The following FURIN variants were observed in gnomAD, a reference collection of about 807,000 sequenced individuals.
FURIN encodes the protein FES upstream region.
In FURIN, 18 loss-of-function variants were observed where a neutral mutation model predicts 89.2. The ratio of observed to expected loss-of-function variants is 0.20; its 90% CI spans 0.14 to 0.30. FURIN has a LOEUF of 0.30. Among genes scored for constraint, FURIN ranks in the 10% least tolerant of loss-of-function variants. FURIN has a pLI of 1.00. For synonymous variants in FURIN, 508 were observed against 466.4 expected (o/e 1.09, Z -1.15); for missense variants, 879 against 1,100.5 (o/e 0.80, Z 2.85).
At position 90,876,574 on chromosome 15, in the gene FURIN, G is replaced by C; in HGVS notation, c.372+17G>C. 1 of 1,537,728 alleles carries C rather than the reference G, an allele frequency of 6.5e-7. No individual in the cohort carries two copies. Among genetic ancestry groups the C allele is most frequent in the South Asian group, 1.1e-5 (1 of 89,308 alleles). On this transcript the variant is annotated intron_variant, in intron 4 of 15. Coordinates refer to ENST00000268171, the MANE Select transcript of FURIN (RefSeq NM_002569.4). The surrounding 1 kb of genome is among the most constrained non-coding windows in gnomAD (Gnocchi z 5.0). ...TGGTACCTGGTACGTGGCCTTCTTC[G>C]CTGCTGGGACCTCCTCCCCAGATGC...
chr15:90,881,062 G>T lies in FURIN; in HGVS notation c.1792+22G>T. The T allele has an allele frequency of 6.5e-7, 1 of 1,545,314 alleles. No individual in the cohort carries two copies. Among genetic ancestry groups the T allele is most frequent in the African/African-American group, 1.4e-5 (1 of 73,634 alleles). ...GTGGGTCAGTAGTGGGTGCTGTTGG[G>T]CTTTGGGGGCCTGAGTCTGGGGGTA... On this transcript the variant is annotated intron_variant, in intron 15 of 15. Coordinates refer to ENST00000268171, the MANE Select transcript of FURIN (RefSeq NM_002569.4). The surrounding 1 kb of genome is among the most constrained non-coding windows in gnomAD (Gnocchi z 4.3).
chr15:90,881,729 G>A lies in FURIN; in HGVS notation c.2236G>A (p.Gly746Arg), dbSNP rs749293632. ...GCTGCGCTCTGGCTTTAGTTTTCGG[G>A]GGGTGAAGGTGTACACCATGGACCG... The part of the protein sequence containing the change: ...LQLRSGFSFR[G>R]VKVYTMDRGL... Residue 746 changes from glycine (G) to arginine (R), a missense_variant, in exon 16 of 16, where the codon GGG becomes AGG. Gly to Arg is a moderately radical substitution (Grantham distance 125). Transcript: ENST00000268171. This position sits in a 1 kb window ranked among gnomAD's most constrained non-coding sequence, Gnocchi z 4.3. The A allele has an allele frequency of 3.8e-6, 6 of 1,599,206 alleles. No homozygotes were observed. The African/African-American group carries it at 6.7e-5, about 18-fold the overall frequency.
Position 90,882,003 on chromosome 15 carries a change from T to A in FURIN, c.*125T>A. On this transcript the variant is annotated 3_prime_UTR_variant, in exon 16 of 16. Coordinates refer to ENST00000268171, the MANE Select transcript of FURIN (RefSeq NM_002569.4). The stretch of plus-strand genomic sequence containing the variant: ...GGGAGGCAAGAGGGGTGGAGACTGC[T>A]TCCCATCCTACCCTCGGGCCCACCT... 1 of 703,106 alleles carries A rather than the reference T, an allele frequency of 1.4e-6. No homozygotes were observed. The highest frequency in any genetic ancestry group is 2.8e-5 in the East Asian group (1 of 36,080). 43.6% of individuals were successfully genotyped at this position (703,106 alleles called of 1,614,324 possible). A position where few individuals can be genotyped will look rare whatever the true frequency, so the allele number is the denominator to read the frequency against.
chr15:90,880,008 AG>A (rs1224185851), intron 12 of FURIN, 24 bp downstream of exon 12: 3 of 1,607,338 alleles, frequency 1.9e-6, no homozygotes, highest in Non-Finnish European at 2.6e-6. Flanking sequence ...CCAGGCTGGG[AG>A]GGGGCCAGTG....
In FURIN at chr15:90,876,706, T is replaced by C. The variant is rs1259989745; in HGVS notation, c.372+149T>C. On this transcript the variant is annotated intron_variant, in intron 4 of 15. Transcript: ENST00000268171. The surrounding 1 kb of genome is among the most constrained non-coding windows in gnomAD (Gnocchi z 5.0). Reference sequence around the variant, plus strand: ...GCAGTCTCTCCTTGGCCCATCCTAATAAGCAAGCCTGGGGGTGGCCCTCCC... The same window carrying C: ...GCAGTCTCTCCTTGGCCCATCCTAACAAGCAAGCCTGGGGGTGGCCCTCCC... 8 of 814,768 alleles carry C rather than the reference T, an allele frequency of 9.8e-6. No individual in the cohort carries two copies. In the Admixed American group the frequency reaches 1.6e-4, roughly 16 times the overall value. The allele number at this position is 814,768 out of a possible 1,614,324, so 50.5% of individuals were successfully genotyped here. A position where few individuals can be genotyped will look rare whatever the true frequency, so the allele number is the denominator to read the frequency against.
chr15:90,879,977 G>C lies in FURIN; in HGVS notation c.1369G>C (p.Glu457Gln), dbSNP rs138927071. The C allele has an allele frequency of 8.7e-6, 14 of 1,611,328 alleles. No homozygotes were observed. The highest frequency in any genetic ancestry group is 2.7e-5 in the African/African-American group (2 of 74,920). The change falls in exon 12 of 16, where the codon GAG becomes CAG. Residue 457 changes from glutamate to glutamine, a missense_variant. Glu to Gln is a conservative substitution (Grantham distance 29). Around this residue, in one of 5 missense-constraint regions of FURIN, gnomAD observed 457 missense variants for 490.7 expected, o/e 0.93. Transcript: ENST00000268171. ...GAAGTGCATCATCGACATCCTCACC[G>C]AGCCCAAGTGAGGGCTGGACCCAGG... ...QRKCIIDILT[E>Q]PKDIGKRLEV...
intron 9 of FURIN, 47 bp downstream of exon 9, chr15:90,879,023 TGG>T: frequency 3.2e-6 from 4 of 1,261,410 alleles, no homozygotes. Context: ...GGCTGCTGGC[TGG>T]CTCTGTCCAG....
Position 90,882,928 on chromosome 15 carries a change from G to A in FURIN, c.*1050G>A, listed in dbSNP as rs1435416096. 6.6e-6 allele frequency: 1 copy of A among 152,472 alleles called. No individual in the cohort carries two copies. The highest frequency in any genetic ancestry group is 1.9e-4 in the East Asian group (1 of 5,196). The allele number at this position is 152,472 out of a possible 1,614,324, so 9.4% of individuals were successfully genotyped here. A position where few individuals can be genotyped will look rare whatever the true frequency, so the allele number is the denominator to read the frequency against. On this transcript the variant is annotated 3_prime_UTR_variant, in exon 16 of 16. Transcript: ENST00000268171. Reference sequence around the variant, plus strand: ...TGTTGCTGAGGAGTGAGGAATAGTTGAGCCCCAAGTCCTGAAGAGGCGGGC... The same window carrying A: ...TGTTGCTGAGGAGTGAGGAATAGTTAAGCCCCAAGTCCTGAAGAGGCGGGC...
rs374580162 is a variant in FURIN, at chr15:90,880,214, C to T, written c.1497C>T (p.Gly499=). The T allele has an allele frequency of 1.6e-5, 25 of 1,612,294 alleles. No homozygotes were observed. Among genetic ancestry groups the T allele is most frequent in the Non-Finnish European group, 1.9e-5 (22 of 1,179,504 alleles). Residue 499 remains glycine (G), a synonymous_variant, in exon 13 of 16, where the codon GGC becomes GGT. Coordinates refer to ENST00000268171, the MANE Select transcript of FURIN (RefSeq NM_002569.4). ...TCACCCTGTCCTATAATCGCCGTGG[C>T]GACCTGGCCATCCACCTGGTCAGCC... ...ARLTLSYNRR[G]DLAIHLVSPM... is the part of the protein sequence containing the mutation.
chr15:90,880,676 C>T lies in FURIN; in HGVS notation c.1557-15C>T, dbSNP rs973741828. On this transcript the variant is annotated splice_polypyrimidine_tract_variant and intron_variant, in intron 13 of 15. Coordinates refer to ENST00000268171, the MANE Select transcript of FURIN (RefSeq NM_002569.4). The stretch of plus-strand genomic sequence containing the variant: ...CCCGCAGAGGCCTCAGGGCTGTGTG[C>T]ACTCCCCTCCCCAGGCCACATGACT... The T allele has an allele frequency of 1.2e-6, 2 of 1,607,736 alleles. No homozygotes were observed. The highest frequency in any genetic ancestry group is 1.7e-6 in the Non-Finnish European group (2 of 1,176,470).
rs149242754 is a variant in FURIN at position 90,876,958 on chromosome 15, C to T, written c.435C>T (p.His145=). The change falls in exon 5 of 16, where the codon CAC becomes CAT. Residue 145 remains histidine, a synonymous_variant. Transcript: ENST00000268171. This position sits in a 1 kb window ranked among gnomAD's most constrained non-coding sequence, Gnocchi z 5.0. ...CCTGGGCGCAGGGCTACACAGGGCA[C>T]GGCATTGTGGTCTCCATTCTGGACG... is the stretch of plus-strand genomic sequence containing the variant. ...KAAWAQGYTG[H]GIVVSILDDG... is the part of the protein sequence containing the mutation. 5.8e-4 allele frequency: 935 copies of T among 1,613,862 alleles called. 1 individual carries two copies. The highest frequency in any genetic ancestry group is 7.3e-4 in the Non-Finnish European group (859 of 1,179,876).
In FURIN at chr15:90,876,459, C is replaced by T. The variant is rs1364433531; in HGVS notation, c.277-3C>T. On this transcript the variant is annotated splice_region_variant and splice_polypyrimidine_tract_variant and intron_variant, in intron 3 of 15. Transcript: ENST00000268171. This position sits in a 1 kb window ranked among gnomAD's most constrained non-coding sequence, Gnocchi z 5.0. ...ACACCATCTCTCCCTCACTCCCCCA[C>T]AGGTACAGTGGCTGGAACAGCAGGT... 3 of 1,610,060 alleles carry T rather than the reference C, an allele frequency of 1.9e-6. No individual in the cohort carries two copies. Among genetic ancestry groups the T allele is most frequent in the African/African-American group, 1.3e-5 (1 of 74,824 alleles).
rs112211495 is a variant in FURIN at position 90,878,275 on chromosome 15, G to A, written c.811G>A (p.Glu271Lys). ...KTVDGPARLAEEAFFRGVSQG... is the reference protein window; with the variant it reads ...KTVDGPARLAKEAFFRGVSQG... ...AGTGGATGGGCCAGCCCGCCTCGCC[G>A]AGGAGGCCTTCTTCCGTGGGGTTAG... is the stretch of plus-strand genomic sequence containing the variant. Residue 271 changes from glutamate (E) to lysine (K), a missense_variant, in exon 8 of 16, where the codon GAG (glutamate) becomes AAG (lysine). Physicochemically the swap from Glu to Lys is moderately conservative, Grantham distance 56 (BLOSUM62 1). Around this residue, in one of 5 missense-constraint regions of FURIN, gnomAD observed 156 missense variants for 243.7 expected, o/e 0.64. Transcript: ENST00000268171. 4.4e-6 allele frequency: 7 copies of A among 1,605,668 alleles called. No individual in the cohort carries two copies. The highest frequency in any genetic ancestry group is 1.1e-5 in the South Asian group (1 of 90,180).
Position 90,882,026 on chromosome 15 carries a change from C to T in FURIN, c.*148C>T. 1.6e-6 allele frequency: 1 copy of T among 636,932 alleles called. No individual in the cohort carries two copies. Among genetic ancestry groups the T allele is most frequent in the Non-Finnish European group, 2.8e-6 (1 of 362,926 alleles). 39.5% of individuals were successfully genotyped at this position (636,932 alleles called of 1,614,324 possible). ...GCTTCCCATCCTACCCTCGGGCCCA[C>T]CTGGCCACCTGAGGTGGGCCCAGGA... is the stretch of plus-strand genomic sequence containing the variant. On this transcript the variant is annotated 3_prime_UTR_variant, in exon 16 of 16. Transcript: ENST00000268171.
intron 8 of FURIN, 45 bp downstream of exon 8, chr15:90,878,349 G>C (rs937581358): frequency 1.1e-5 from 16 of 1,455,678 alleles, no homozygotes; most frequent in Non-Finnish European, 1.5e-5. Flanking sequence ...GTTGGGTGCT[G>C]TCTTCCGTAC....
At chr15:90,880,451 G>A (rs2031896964) in intron 13 of FURIN, among the ~76,000 whole-genome samples, 178 bp downstream of exon 13, 1 of 152,238 alleles carries the variant, frequency 6.6e-6, no homozygotes, top group African/African-American at 2.4e-5. Flanking sequence ...AGGAATCCCT[G>A]GCTTGCAACC....
intron 1 of FURIN, among the ~76,000 whole-genome samples, chr15:90,871,966 G>A (rs2031331710): frequency 1.3e-5 from 2 of 151,382 alleles, no homozygotes; most frequent in Admixed American, 1.3e-4. Flanking sequence ...TCTGACCTCA[G>A]GAAGCGCCTG....
Position 90,881,090 on chromosome 15 carries a change from G to A in FURIN, c.1792+50G>A. The A allele has an allele frequency of 4.3e-6, 6 of 1,392,220 alleles. No individual in the cohort carries two copies. Among genetic ancestry groups the A allele is most frequent in the Non-Finnish European group, 5.1e-6 (5 of 978,018 alleles). 86.2% of individuals were successfully genotyped at this position (1,392,220 alleles called of 1,614,324 possible). On this transcript the variant is annotated intron_variant, in intron 15 of 15. Coordinates refer to ENST00000268171, the MANE Select transcript of FURIN (RefSeq NM_002569.4). This position sits in a 1 kb window ranked among gnomAD's most constrained non-coding sequence, Gnocchi z 4.3. Reference sequence around the variant, plus strand: ...TTGGGGGCCTGAGTCTGGGGGTAAGGCGGGTGCCTGTCCTGAAGCCCAGCT... The same window carrying A: ...TTGGGGGCCTGAGTCTGGGGGTAAGACGGGTGCCTGTCCTGAAGCCCAGCT...
chr15:90,881,698 C>T lies in FURIN; in HGVS notation c.2205C>T (p.Val735=), dbSNP rs762528103. 1.1e-5 allele frequency: 17 copies of T among 1,589,816 alleles called. No individual in the cohort carries two copies. In the East Asian group the frequency reaches 3.8e-4, roughly 36 times the overall value. The change falls in exon 16 of 16, where the codon GTC becomes GTT. Residue 735 remains valine, a synonymous_variant. Transcript: ENST00000268171. The surrounding 1 kb of genome is among the most constrained non-coding windows in gnomAD (Gnocchi z 4.3). ...TGGTCTTCGTCACTGTCTTCCTGGT[C>T]CTGCAGCTGCGCTCTGGCTTTAGTT... ...IVLVFVTVFL[V]LQLRSGFSFR...
Sources: allele counts gnomAD v4.1 joint callset (sites outside exome capture counted in the v4.1 genomes callset), GRCh38; gene constraint gnomAD v4.1.1; regional missense constraint gnomAD v4.1.1; non-coding constraint Gnocchi (gnomAD v3.1); transcripts MANE v1.5; gene names NCBI Gene and HGNC (gene_info 2026-07-23, HGNC 2026-07-21).